The following DYSF variants were observed in gnomAD, a reference collection of about 807,000 sequenced individuals.
DYSF encodes the protein dysferlin.
In DYSF, 212 loss-of-function variants were observed where a neutral mutation model predicts 274.9. The observed-to-expected ratio is 0.77, with a 90% confidence interval of 0.69 to 0.86. DYSF has a LOEUF of 0.86. Ranked by LOEUF, DYSF falls within the 40% of genes least tolerant of loss-of-function variation. DYSF has a pLI of 0.00. For missense variants in DYSF, 2,666 were observed against 2,783.2 expected, an observed-to-expected ratio of 0.96 and a Z score of 0.95; for synonymous variants, 1,091 against 1,078.7, an observed-to-expected ratio of 1.01 and a Z score of -0.22.
At chr2:71,613,058 A>G (rs1365986305) in intron 39 of DYSF, among the ~76,000 whole-genome samples, 1 of 151,624 alleles carries the variant, frequency 6.6e-6, no homozygotes, top group Non-Finnish European at 1.5e-5. Flanking sequence ...GCCCAGGGGG[A>G]GGGAGAGAGA....
At chr2:71,468,927 T>C (rs1378703095) in intron 1 of DYSF, among the ~76,000 whole-genome samples, 1 of 152,238 alleles carries the variant, frequency 6.6e-6, no homozygotes, top group Non-Finnish European at 1.5e-5. Context: ...TGGCCCAGCC[T>C]CTAGCCATCC....
At chr2:71,478,257 G>C (rs2082557773) in intron 1 of DYSF, among the ~76,000 whole-genome samples, 1 of 150,456 alleles carries the variant, frequency 6.6e-6, no homozygotes, top group South Asian at 2.1e-4. Context: ...TGTCGCCCAG[G>C]CTGGAGTGCA....
intron 40 of DYSF, among the ~76,000 whole-genome samples, chr2:71,619,227 G>A (rs1038876723): frequency 1.3e-5 from 2 of 152,104 alleles, no homozygotes; most frequent in African/African-American, 4.8e-5. Context: ...GGCGAGGCCC[G>A]TCTCTGGCCA....
chr2:71,667,311 TG>T, intron 47 of DYSF, 64 bp from the exon 48 acceptor site: 1 of 1,611,102 alleles, frequency 6.2e-7, no homozygotes, highest in Non-Finnish European at 8.5e-7. Context: ...GCCTGTTCAC[TG>T]GGCAGCCCCA....
chr2:71,572,860 G>C (rs2092568726), intron 29 of DYSF, among the ~76,000 whole-genome samples: 1 of 152,212 alleles, frequency 6.6e-6, no homozygotes. Flanking sequence ...GGCTGGTGAG[G>C]GGGCTGGGGT....
intron 55 of DYSF, among the ~76,000 whole-genome samples, chr2:71,685,590 C>T (rs759317897): frequency 5.9e-5 from 9 of 152,214 alleles, no homozygotes; most frequent in Non-Finnish European, 1.3e-4. Context: ...GACAGGGCAG[C>T]TTCCTCCAGT....
In DYSF at chr2:71,609,459, C is replaced by T. The variant is rs147959851; in HGVS notation, c.3958-1786C>T. 2.7e-5 allele frequency among the ~76,000 whole-genome samples: 4 copies of T among 150,148 alleles called. No individual in the cohort carries two copies. The East Asian group carries it at 7.7e-4, about 29-fold the overall frequency. On this transcript the variant is annotated intron_variant, in intron 36 of 55. Coordinates refer to ENST00000410020, the MANE Select transcript of DYSF (RefSeq NM_001130987.2). ...ACCCTGGGGAGATCAACACCAACAC[C>T]AATGGCAAAAACAATGGTACTAACA...
At chr2:71,571,385 TCAGCACACACAGATCACACC>T (rs1339780518) in intron 29 of DYSF, among the ~76,000 whole-genome samples, 1,028 of 55,138 alleles carry the variant, frequency 0.019, 10 homozygotes, top group African/African-American at 0.067. Context: ...CAGATCACAG[TCAGCACACACAGATCACACC>T]CAGCACACAC....
At chr2:71,569,975 G>T (rs368593293) in intron 27 of DYSF, 41 bp downstream of exon 27, 1 of 1,556,922 alleles carries the variant, frequency 6.4e-7, no homozygotes, top group African/African-American at 1.4e-5. Context: ...CTAGACATTT[G>T]GTCTCTGGAG....
chr2:71,595,416 C>T (rs1041384076), intron 32 of DYSF, among the ~76,000 whole-genome samples: 4 of 152,122 alleles, frequency 2.6e-5, no homozygotes, highest in South Asian at 2.1e-4. Flanking sequence ...CATGGCCGAG[C>T]GACTTGGTCT....
Position 71,571,198 on chromosome 2 carries a change from TCACACCCAA to T in DYSF, c.3228+466_3228+474del, listed in dbSNP as rs549894852. On this transcript the variant is annotated intron_variant, in intron 29 of 55. Coordinates refer to ENST00000410020, the MANE Select transcript of DYSF (RefSeq NM_001130987.2). ...ATCACACCCAGCACACACACACAGA[TCACACCCAA>T]CACACCCACAGTTCACACTCAGCAC... Among the ~76,000 whole-genome samples the T allele has an allele frequency of 5.8e-3, 504 of 86,408 alleles. 4 individuals carry two copies. Among genetic ancestry groups the T allele is most frequent in the African/African-American group, 0.023 (493 of 21,350 alleles). The allele number at this position is 86,408 out of a possible 152,430, so 56.7% of individuals were successfully genotyped here. A position where few individuals can be genotyped will look rare whatever the true frequency, so the allele number is the denominator to read the frequency against.
chr2:71,497,561 G>A (rs1319014238), intron 3 of DYSF, among the ~76,000 whole-genome samples: 1 of 152,178 alleles, frequency 6.6e-6, no homozygotes, highest in Non-Finnish European at 1.5e-5. Flanking sequence ...CTGCTGAACT[G>A]TGAGTCAATT....
At chr2:71,608,252 A>G (rs2093680929) in intron 36 of DYSF, among the ~76,000 whole-genome samples, 2 of 147,634 alleles carry the variant, frequency 1.4e-5, no homozygotes, top group East Asian at 3.9e-4. Flanking sequence ...GGGAGCCTGC[A>G]GAGAGGAGGG....
chr2:71,577,696 T>TC lies in DYSF; in HGVS notation c.3402+3330dup, dbSNP rs200482366. 6.4e-3 allele frequency among the ~76,000 whole-genome samples: 976 copies of TC among 151,894 alleles called. 11 individuals are homozygous for TC. Among genetic ancestry groups the TC allele is most frequent in the African/African-American group, 0.023 (938 of 41,436 alleles). ...CACACACACTCTTTCACACTCACAC[T>TC]CCCCCTCCACAGTCACGTTTCCGTC... On this transcript the variant is annotated intron_variant, in intron 30 of 55. Transcript: ENST00000410020.
intron 6 of DYSF, 124 bp downstream of exon 6, chr2:71,513,456 G>A: frequency 9.4e-7 from 1 of 1,063,454 alleles, no homozygotes; most frequent in Non-Finnish European, 1.4e-6. Context: ...GACTTGGCGG[G>A]TGGGAGGGCT....
In DYSF at chr2:71,686,691, T is replaced by G. The variant is rs13429381; in HGVS notation, c.*199T>G. On this transcript the variant is annotated 3_prime_UTR_variant, in exon 56 of 56. Coordinates refer to ENST00000410020, the MANE Select transcript of DYSF (RefSeq NM_001130987.2). ...TCTGAGATCACCCCACTTCCATCAT[T>G]TCCTTCTCCCCCAACCCAACGCTTT... is the stretch of plus-strand genomic sequence containing the variant. 9,436 of 654,370 alleles carry G rather than the reference T, an allele frequency of 0.014. 212 individuals carry two copies. Among genetic ancestry groups the G allele is most frequent in the African/African-American group, 0.074 (4,139 of 55,810 alleles). 40.5% of individuals were successfully genotyped at this position (654,370 alleles called of 1,614,324 possible).
At chr2:71,461,414 G>T (rs2081281977) in intron 1 of DYSF, among the ~76,000 whole-genome samples, 1 of 152,212 alleles carries the variant, frequency 6.6e-6, no homozygotes, top group African/African-American at 2.4e-5. Context: ...GAGAACAGCG[G>T]ACCTCAGAGC....
At chr2:71,511,316 T>C (rs2086068977) in intron 4 of DYSF, among the ~76,000 whole-genome samples, 1 of 152,182 alleles carries the variant, frequency 6.6e-6, no homozygotes, top group Non-Finnish European at 1.5e-5. Flanking sequence ...AGAGCAAAGC[T>C]GAGTTGTCCC....
chr2:71,669,541 G>T, intron 50 of DYSF, 64 bp from the exon 51 acceptor site: 2 of 1,601,524 alleles, frequency 1.2e-6, no homozygotes, highest in South Asian at 2.2e-5. Flanking sequence ...TGCCTAAGTT[G>T]ACGATGTATA....
Sources: allele counts gnomAD v4.1 joint callset (sites outside exome capture counted in the v4.1 genomes callset), GRCh38; gene constraint gnomAD v4.1.1; transcripts MANE v1.5; gene names NCBI Gene and HGNC (gene_info 2026-07-23, HGNC 2026-07-21).